The following ANAPC1 variants were observed in gnomAD, a reference collection of about 807,000 sequenced individuals.
ANAPC1 encodes the protein anaphase promoting complex subunit 1, also known as anaphase-promoting complex subunit 1.
ANAPC1 carries 36 observed loss-of-function variants against 208.0 expected under a neutral mutation model. That is an observed-to-expected ratio of 0.17 (90% CI 0.13 to 0.23). The LOEUF (loss-of-function observed/expected upper bound fraction) is 0.23, where lower values mean the gene tolerates loss of function less well. Ranked by LOEUF, ANAPC1 falls within the 10% of genes least tolerant of loss-of-function variation. The pLI, the probability that ANAPC1 is intolerant of heterozygous loss-of-function variation, is 1.00. For missense variants in ANAPC1, 942 were observed against 2,011.6 expected, an observed-to-expected ratio of 0.47 and a Z score of 10.17; for synonymous variants, 378 against 695.2, an observed-to-expected ratio of 0.54 and a Z score of 7.18.
chr2:111,792,768 T>G (rs976004190), intron 37 of ANAPC1, among the ~76,000 whole-genome samples: 1 of 151,734 alleles, frequency 6.6e-6, no homozygotes, highest in Non-Finnish European at 1.5e-5. Flanking sequence ...CCGGCTAACA[T>G]GGTGAAACCC....
At chr2:111,766,630 G>A (rs1273251006), downstream of ANAPC1, 12 of 284,020 alleles carry the variant, frequency 4.2e-5, 1 homozygote, top group East Asian at 1.2e-3. Flanking sequence ...GACCACAGAA[G>A]AGAGGCCTTC....
Position 111,788,330 on chromosome 2 carries a change from A to T in ANAPC1, c.4713-10T>A, listed in dbSNP as rs756730166. 3 of 1,613,488 alleles carry T rather than the reference A, an allele frequency of 1.9e-6. No individual in the cohort carries two copies. Among genetic ancestry groups the T allele is most frequent in the Middle Eastern group, 1.6e-4 (1 of 6,078 alleles). On this transcript the variant is annotated splice_polypyrimidine_tract_variant and intron_variant, in intron 38 of 47. Transcript: ENST00000341068. ...TGTGCTCAAAGAGTACCTGCAAAGT[A>T]AGTTCGGTGGGGACAGATGTTATTG... is the stretch of plus-strand genomic sequence containing the variant.
At chr2:111,856,997 G>A (rs1325351766) in intron 11 of ANAPC1, 111 bp from the exon 12 acceptor site, 1 of 732,838 alleles carries the variant, frequency 1.4e-6, no homozygotes, top group African/African-American at 1.8e-5. Context: ...TACTGTATGA[G>A]CCCATTTATA....
Position 111,792,548 on chromosome 2 carries a change from G to A in ANAPC1, c.4526C>T (p.Pro1509Leu). The change falls in exon 38 of 48, where the codon CCT becomes CTT. Residue 1509 changes from proline to leucine, a missense_variant. Coordinates refer to ENST00000341068, the MANE Select transcript of ANAPC1 (RefSeq NM_022662.4). ...LSAPNASVTG[P>L]HNLETCLSVV... Reference sequence around the variant, plus strand: ...GCTCAGACAAGTTTCTAGGTTATGAGGACCTGTCTGTCAGGTGAAGAGATG... The same window carrying A: ...GCTCAGACAAGTTTCTAGGTTATGAAGACCTGTCTGTCAGGTGAAGAGATG... 6.2e-7 allele frequency: 1 copy of A among 1,612,710 alleles called. No homozygotes were observed. Among genetic ancestry groups the A allele is most frequent in the South Asian group, 1.1e-5 (1 of 90,820 alleles).
At chr2:111,807,665 C>T (rs1290671893) in intron 29 of ANAPC1, among the ~76,000 whole-genome samples, 1 of 151,544 alleles carries the variant, frequency 6.6e-6, no homozygotes, top group East Asian at 1.9e-4. Flanking sequence ...GTACTCCAGG[C>T]TGGGCAACAG....
At chr2:111,867,898 A>T in intron 7 of ANAPC1, 125 bp downstream of exon 7, 1 of 555,990 alleles carries the variant, frequency 1.8e-6, no homozygotes, top group South Asian at 3.9e-5. Context: ...TCAAAATAGA[A>T]GTTATTTTTG....
intron 28 of ANAPC1, among the ~76,000 whole-genome samples, chr2:111,811,118 C>T (rs1485080064): frequency 6.6e-6 from 1 of 152,028 alleles, no homozygotes; most frequent in Non-Finnish European, 1.5e-5. Context: ...AGGGTACATC[C>T]GAAGGACCCT....
At chr2:111,850,483 A>C (rs1272109896) in intron 14 of ANAPC1, among the ~76,000 whole-genome samples, 1 of 151,838 alleles carries the variant, frequency 6.6e-6, no homozygotes, top group East Asian at 1.9e-4. Context: ...CACATTACTG[A>C]GTCATGAGTC....
intron 13 of ANAPC1, among the ~76,000 whole-genome samples, chr2:111,853,381 T>C (rs1681517997): frequency 6.6e-6 from 1 of 152,196 alleles, no homozygotes; most frequent in South Asian, 2.1e-4. Flanking sequence ...GTTTTCTGTA[T>C]GTTCCCACTT....
chr2:111,860,116 G>A (rs978314117), intron 10 of ANAPC1, among the ~76,000 whole-genome samples: 7 of 152,010 alleles, frequency 4.6e-5, no homozygotes, highest in African/African-American at 1.7e-4. Context: ...TGGGCATCAC[G>A]GCAAAATCCT....
At chr2:111,875,140 T>C (rs1264216997) in intron 3 of ANAPC1, among the ~76,000 whole-genome samples, 1 of 152,262 alleles carries the variant, frequency 6.6e-6, no homozygotes, top group East Asian at 1.9e-4. Flanking sequence ...TATCTCATTG[T>C]GGTTGTAATC....
chr2:111,829,218 CAAT>C (rs1464033247), intron 21 of ANAPC1, among the ~76,000 whole-genome samples: 2 of 151,920 alleles, frequency 1.3e-5, no homozygotes, highest in African/African-American at 2.4e-5. Flanking sequence ...TCTCAAGAAA[CAAT>C]AATAATAACA....
intron 10 of ANAPC1, among the ~76,000 whole-genome samples, chr2:111,861,956 G>A (rs1434314067): frequency 7.6e-6 from 1 of 131,152 alleles, no homozygotes; most frequent in Non-Finnish European, 1.7e-5. Flanking sequence ...ACCCAGGCTG[G>A]AGTGCAGTGG....
intron 17 of ANAPC1, among the ~76,000 whole-genome samples, chr2:111,841,806 A>C (rs1680780747): frequency 6.6e-6 from 1 of 152,170 alleles, no homozygotes; most frequent in African/African-American, 2.4e-5. Flanking sequence ...ATGAAATACG[A>C]ATCAAAAAAT....
chr2:111,869,900 C>T (rs1682648860), intron 6 of ANAPC1, among the ~76,000 whole-genome samples: 2 of 152,178 alleles, frequency 1.3e-5, no homozygotes, highest in Admixed American at 1.3e-4. Flanking sequence ...CAAAGTCCAT[C>T]ATAACACTCT....
At chr2:111,841,447 T>G (rs1573440013) in intron 17 of ANAPC1, among the ~76,000 whole-genome samples, 1 of 127,860 alleles carries the variant, frequency 7.8e-6, no homozygotes, top group Non-Finnish European at 1.7e-5. Context: ...AGCACTGAGG[T>G]GACATCTGAA....
intron 21 of ANAPC1, among the ~76,000 whole-genome samples, chr2:111,829,510 A>T (rs1205645245): frequency 1.3e-5 from 2 of 152,194 alleles, no homozygotes; most frequent in African/African-American, 4.8e-5. Context: ...CAAGGGGCCT[A>T]TGAGCAGGCT....
intron 47 of ANAPC1, chr2:111,771,073 T>C (rs1436885328): frequency 2.0e-5 from 3 of 152,138 alleles, no homozygotes; most frequent in African/African-American, 4.9e-5. Flanking sequence ...TCTAGGCTAA[T>C]TGTAGGTCAA....
At chr2:111,802,826 A>T (rs1265041270) in intron 32 of ANAPC1, 1 of 192,970 alleles carries the variant, frequency 5.2e-6, no homozygotes, top group Non-Finnish European at 9.7e-6. Context: ...TTCTGCACAC[A>T]TTTACTTTTT....
Sources: gnomAD v4.1 joint callset for allele counts (sites outside exome capture counted in the v4.1 genomes callset) on GRCh38, gnomAD v4.1.1 for gene constraint, MANE v1.5 for transcripts, NCBI Gene and HGNC (gene_info 2026-07-23, HGNC 2026-07-21) for gene names.